ATP8A2: variants seen among roughly 807,000 people sequenced by gnomAD.
The protein encoded by ATP8A2 is phospholipid-transporting ATPase IB.
In ATP8A2, 100 loss-of-function variants were observed where a neutral mutation model predicts 165.6. That is an observed-to-expected ratio of 0.60 (90% CI 0.51 to 0.71). The LOEUF is 0.71. Among genes scored for constraint, ATP8A2 ranks in the 30% least tolerant of loss-of-function variants. The pLI is 0.00. For missense variants in ATP8A2, 1,227 were observed against 1,479.5 expected, an observed-to-expected ratio of 0.83 and a Z score of 2.80; for synonymous variants, 543 against 548.8, an observed-to-expected ratio of 0.99 and a Z score of 0.15.
In ATP8A2 at chr13:25,769,131, A is replaced by G; in HGVS notation, c.2470A>G (p.Asn824Asp). The change falls in exon 26 of 37, where the codon AAC (asparagine) becomes GAC (aspartate). Residue 824 changes from asparagine to aspartate, a missense_variant. Physicochemically the swap from Asn to Asp is conservative, Grantham distance 23. This residue lies in a region of ATP8A2 where 592 missense variants were observed against 785.6 expected (regional missense o/e 0.75). Coordinates refer to ENST00000381655, the MANE Select transcript of ATP8A2 (RefSeq NM_016529.6). The part of the protein sequence containing the change: ...AITLAIGDGA[N>D]DVGMIQTAHV... Reference sequence around the variant, plus strand: ...CACCCTCGCCATCGGAGACGGCGCCAACGATGTCGGGATGATCCAGACAGC... The same window carrying G: ...CACCCTCGCCATCGGAGACGGCGCCGACGATGTCGGGATGATCCAGACAGC... 6 of 1,614,168 alleles carry G rather than the reference A, an allele frequency of 3.7e-6. No individual in the cohort carries two copies. The highest frequency in any genetic ancestry group is 5.1e-6 in the Non-Finnish European group (6 of 1,180,018).
intron 27 of ATP8A2, among the ~76,000 whole-genome samples, chr13:25,795,841 TAGAG>T (rs1339987352): frequency 1.3e-5 from 2 of 152,174 alleles, no homozygotes; most frequent in South Asian, 2.1e-4. Context: ...AATTAGTCCT[TAGAG>T]AGAAGAACCA....
intron 6 of ATP8A2, among the ~76,000 whole-genome samples, chr13:25,535,882 T>G (rs17795602): frequency 6.6e-6 from 1 of 151,976 alleles, no homozygotes; most frequent in Non-Finnish European, 1.5e-5. Context: ...TCATTTCTTA[T>G]GTACACAAAA....
At chr13:25,566,627 G>A (rs915548531) in intron 16 of ATP8A2, among the ~76,000 whole-genome samples, 18 of 152,134 alleles carry the variant, frequency 1.2e-4, no homozygotes, top group African/African-American at 4.3e-4. Context: ...AGTAGCAAAG[G>A]AAATAAGATG....
At chr13:25,544,113 A>G (rs2038568528) in intron 10 of ATP8A2, among the ~76,000 whole-genome samples, 1 of 152,244 alleles carries the variant, frequency 6.6e-6, no homozygotes, top group Non-Finnish European at 1.5e-5. Flanking sequence ...TTGATTTAAA[A>G]ATATTTAGTG....
chr13:25,912,509 A>G (rs1316169063), intron 33 of ATP8A2, among the ~76,000 whole-genome samples: 2 of 152,206 alleles, frequency 1.3e-5, no homozygotes, highest in African/African-American at 2.4e-5. Context: ...ATAATGTATC[A>G]TACACTTAAA....
At chr13:25,454,359 G>A (rs17082331) in intron 1 of ATP8A2, among the ~76,000 whole-genome samples, 1,727 of 152,042 alleles carry the variant, frequency 0.011, 37 homozygotes, top group African/African-American at 0.04. Flanking sequence ...TAGAGGAGAA[G>A]CATCAACTCA....
chr13:25,986,784 CAT>C lies in ATP8A2; in HGVS notation c.3377+18107_3377+18108del, dbSNP rs1956287844. 2.0e-5 allele frequency among the ~76,000 whole-genome samples: 3 copies of C among 152,250 alleles called. No homozygotes were observed. The South Asian group carries it at 6.2e-4, about 32-fold the overall frequency. On this transcript the variant is annotated intron_variant, in intron 35 of 36. Coordinates refer to ENST00000381655, the MANE Select transcript of ATP8A2 (RefSeq NM_016529.6). ...ATTTTTGAATTTTTTGAGGAACCTC[CAT>C]ACTGTTTTCCATAATGGCTACACCA...
intron 35 of ATP8A2, among the ~76,000 whole-genome samples, chr13:25,984,983 C>A (rs1337661725): frequency 6.6e-6 from 1 of 152,204 alleles, no homozygotes; most frequent in Admixed American, 6.5e-5. Context: ...TTACAGTGGC[C>A]TCACACACAC....
At chr13:25,591,548 A>G (rs2040078723) in intron 24 of ATP8A2, among the ~76,000 whole-genome samples, 1 of 150,472 alleles carries the variant, frequency 6.6e-6, no homozygotes, top group Non-Finnish European at 1.5e-5. Flanking sequence ...TTGTTGATTC[A>G]TTAATCCATC....
At chr13:25,784,295 C>T (rs1307429917) in intron 27 of ATP8A2, among the ~76,000 whole-genome samples, 1 of 152,124 alleles carries the variant, frequency 6.6e-6, no homozygotes, top group African/African-American at 2.4e-5. Context: ...CTCACGTGAA[C>T]TTTGAGAGGT....
chr13:25,789,136 A>G (rs2045103531), intron 27 of ATP8A2, among the ~76,000 whole-genome samples: 2 of 152,218 alleles, frequency 1.3e-5, no homozygotes, highest in African/African-American at 2.4e-5. Context: ...AAATGACAAT[A>G]ATGTTAACTG....
At chr13:25,701,459 G>A (rs1299070623) in intron 25 of ATP8A2, among the ~76,000 whole-genome samples, 7 of 152,140 alleles carry the variant, frequency 4.6e-5, no homozygotes, top group Non-Finnish European at 2.9e-5. Flanking sequence ...CTCTACCTCA[G>A]AGCCGTGAGT....
chr13:25,723,187 G>A (rs1381012344), intron 25 of ATP8A2, among the ~76,000 whole-genome samples: 2 of 152,200 alleles, frequency 1.3e-5, no homozygotes, highest in African/African-American at 4.8e-5. Context: ...TAATACTTGG[G>A]AGTAGAATTG....
intron 24 of ATP8A2, among the ~76,000 whole-genome samples, chr13:25,633,506 G>A (rs747911659): frequency 3.9e-5 from 6 of 152,116 alleles, no homozygotes; most frequent in Admixed American, 1.3e-4. Flanking sequence ...AATCCTGTAC[G>A]TGGGCATTAA....
At chr13:25,377,372 A>G (rs1024093220) in intron 1 of ATP8A2, among the ~76,000 whole-genome samples, 2 of 152,226 alleles carry the variant, frequency 1.3e-5, no homozygotes, top group Non-Finnish European at 2.9e-5. Flanking sequence ...GTTTCTCCCC[A>G]TCATTATCAA....
At chr13:25,876,940 A>T (rs1323765514) in intron 33 of ATP8A2, among the ~76,000 whole-genome samples, 1 of 152,130 alleles carries the variant, frequency 6.6e-6, no homozygotes, top group Non-Finnish European at 1.5e-5. Context: ...ATAGCTCATT[A>T]TTGCTGAAAT....
At chr13:25,646,997 C>T (rs2041691194) in intron 24 of ATP8A2, among the ~76,000 whole-genome samples, 1 of 152,178 alleles carries the variant, frequency 6.6e-6, no homozygotes, top group African/African-American at 2.4e-5. Context: ...TGATTACATG[C>T]AACAACACTA....
intron 1 of ATP8A2, among the ~76,000 whole-genome samples, chr13:25,411,846 A>T (rs2033975753): frequency 6.6e-6 from 1 of 152,212 alleles, no homozygotes; most frequent in Admixed American, 6.5e-5. Flanking sequence ...TCTAAGTGGT[A>T]GGATTCTGGG....
At chr13:25,500,721 A>C (rs1471689343) in intron 2 of ATP8A2, among the ~76,000 whole-genome samples, 2 of 152,084 alleles carry the variant, frequency 1.3e-5, no homozygotes, top group Non-Finnish European at 2.9e-5. Flanking sequence ...CTGGGACCAC[A>C]GGCATGCATC....
Sources: gnomAD v4.1 joint callset for allele counts (sites outside exome capture counted in the v4.1 genomes callset) on GRCh38, gnomAD v4.1.1 for gene constraint, gnomAD v4.1.1 regional missense constraint, MANE v1.5 for transcripts, NCBI Gene and HGNC (gene_info 2026-07-23, HGNC 2026-07-21) for gene names.